STARD10: variants seen among roughly 807,000 people sequenced by gnomAD.
The protein encoded by STARD10 is START domain-containing protein 10.
In STARD10, 24 loss-of-function variants were observed where a neutral mutation model predicts 36.0. The observed-to-expected ratio is 0.67, with a 90% CI of 0.48 to 0.94. STARD10 has a LOEUF of 0.94. Among genes scored for constraint, STARD10 ranks in the 40% least tolerant of loss-of-function variants. The pLI, the probability that STARD10 is intolerant of heterozygous loss-of-function variation, is 0.00. For missense variants in STARD10, 335 were observed against 396.6 expected (o/e 0.84, Z 1.32); for synonymous variants, 156 against 161.9 (o/e 0.96, Z 0.28).
chr11:72,756,768 C>T (rs763453230), intron 5 of STARD10, among the ~76,000 whole-genome samples: 2 of 151,956 alleles, frequency 1.3e-5, no homozygotes, highest in Non-Finnish European at 2.9e-5. Flanking sequence ...TTCCTCTGGC[C>T]GCTGTTATAC....
At chr11:72,788,840 C>T (rs1053727303) in intron 1 of STARD10, among the ~76,000 whole-genome samples, 3 of 152,002 alleles carry the variant, frequency 2.0e-5, no homozygotes, top group African/African-American at 4.8e-5. Context: ...GGATTACAGG[C>T]GTGAGCCCCT....
Position 72,774,087 on chromosome 11 carries a change from C to T in STARD10, c.207+6888G>A, listed in dbSNP as rs545782445. On this transcript the variant is annotated intron_variant, in intron 2 of 6. Coordinates refer to ENST00000334805, the MANE Select transcript of STARD10 (RefSeq NM_006645.3). ...CAGCCACTCTGGCAGGGTCCAAAGACGGCAGGCAGGGGCAGGAGATGGTGG... is the reference window on the plus strand; with the variant it reads ...CAGCCACTCTGGCAGGGTCCAAAGATGGCAGGCAGGGGCAGGAGATGGTGG... 5.9e-5 allele frequency among the ~76,000 whole-genome samples: 9 copies of T among 152,274 alleles called. No individual in the cohort carries two copies. The South Asian group carries it at 8.3e-4, about 14-fold the overall frequency.
At chr11:72,765,309 G>A (rs1195884841) in intron 2 of STARD10, among the ~76,000 whole-genome samples, 9 of 152,142 alleles carry the variant, frequency 5.9e-5, no homozygotes, top group African/African-American at 2.2e-4. Flanking sequence ...GCCAGGGGGA[G>A]CAAGTGACAC....
At chr11:72,759,909 ATTT>A (rs202116654) in intron 2 of STARD10, among the ~76,000 whole-genome samples, 3 of 149,130 alleles carry the variant, frequency 2.0e-5, no homozygotes, top group African/African-American at 7.4e-5. Flanking sequence ...ACATCTTTGG[ATTT>A]TTTTTTTCTT....
intron 2 of STARD10, among the ~76,000 whole-genome samples, chr11:72,775,901 G>A (rs1277542594): frequency 3.3e-5 from 5 of 152,112 alleles, no homozygotes; most frequent in African/African-American, 1.2e-4. Context: ...GGATCCTGGT[G>A]TTCTTTCCCC....
In STARD10 at chr11:72,759,328, G is replaced by A. The variant is rs778067215; in HGVS notation, c.261C>T (p.His87=). The A allele has an allele frequency of 2.8e-5, 45 of 1,614,042 alleles. No homozygotes were observed. Among genetic ancestry groups the A allele is most frequent in the East Asian group, 4.5e-5 (2 of 44,902 alleles). ...VPAETLYDVL[H]DIEYRKKWDS... is the part of the protein sequence containing the mutation. The stretch of plus-strand genomic sequence containing the variant: ...CCCATTTCTTGCGGTACTCAATGTC[G>A]TGTAGGACGTCGTAGAGTGTCTCGG... Residue 87 remains histidine (H), a synonymous_variant, in exon 3 of 7, where the codon CAC becomes CAT. Coordinates refer to ENST00000334805, the MANE Select transcript of STARD10 (RefSeq NM_006645.3).
intron 1 of STARD10, among the ~76,000 whole-genome samples, chr11:72,791,473 G>C (rs1251978157): frequency 6.6e-6 from 1 of 152,072 alleles, no homozygotes; most frequent in African/African-American, 2.4e-5. Flanking sequence ...GGGAGGCCGC[G>C]AATGGATCAC....
chr11:72,759,484 A>G (rs1433615937), intron 2 of STARD10, 103 bp from the exon 3 acceptor site: 7 of 1,387,388 alleles, frequency 5.0e-6, no homozygotes, highest in African/African-American at 1.4e-5. Flanking sequence ...GAAAGAGGAC[A>G]GCAAAGAACA....
chr11:72,769,718 GA>G (rs1858834103), intron 2 of STARD10, among the ~76,000 whole-genome samples: 1 of 152,052 alleles, frequency 6.6e-6, no homozygotes, highest in African/African-American at 2.4e-5. Context: ...TATAAAATAA[GA>G]AAAAAAGTTA....
intron 2 of STARD10, among the ~76,000 whole-genome samples, chr11:72,759,664 C>T (rs1350582893): frequency 6.6e-6 from 1 of 152,134 alleles, no homozygotes; most frequent in Non-Finnish European, 1.5e-5. Context: ...TTCTGGGCTC[C>T]CACACAATGC....
rs1859177590 is a variant in STARD10 at position 72,793,650 on chromosome 11, T to C, written c.-889A>G. 6.6e-6 allele frequency: 1 copy of C among 152,260 alleles called. No homozygotes were observed. The highest frequency in any genetic ancestry group is 6.5e-5 in the Admixed American group (1 of 15,284). The allele number at this position is 152,260 out of a possible 1,614,324, so 9.4% of individuals were successfully genotyped here. On this transcript the variant is annotated 5_prime_UTR_variant, in exon 1 of 7. Transcript: ENST00000334805. ...GACTGGACCGTTAGGTTACTATTTA[T>C]TACGGTTATCTTCGCTCAGGCGCCC...
chr11:72,754,850 C>T lies in STARD10; in HGVS notation c.*47G>A, dbSNP rs1171598452. Reference sequence around the variant, plus strand: ...GAGAAAGTGCAGGAGCGGCCGCCGCCCCAGGGCTCGCCCGGTCCTGTCTCC... The same window carrying T: ...GAGAAAGTGCAGGAGCGGCCGCCGCTCCAGGGCTCGCCCGGTCCTGTCTCC... On this transcript the variant is annotated 3_prime_UTR_variant, in exon 7 of 7. Coordinates refer to ENST00000334805, the MANE Select transcript of STARD10 (RefSeq NM_006645.3). 2 of 1,570,176 alleles carry T rather than the reference C, an allele frequency of 1.3e-6. No homozygotes were observed. The highest frequency in any genetic ancestry group is 1.4e-5 in the African/African-American group (1 of 71,668).
intron 1 of STARD10, chr11:72,782,287 A>G (rs1859014670): frequency 6.6e-6 from 1 of 152,494 alleles, no homozygotes; most frequent in South Asian, 2.1e-4. Flanking sequence ...ACAGCCCCAC[A>G]GCAGCTCAGA....
intron 1 of STARD10, among the ~76,000 whole-genome samples, chr11:72,787,374 G>C (rs1859086561): frequency 6.6e-6 from 1 of 152,194 alleles, no homozygotes; most frequent in South Asian, 2.1e-4. Flanking sequence ...AAGTCTAGCT[G>C]CAATCCCTAC....
rs757016443 is a variant in STARD10, at chr11:72,766,389, CAGGGACACAAAACCTCAAGAT to C, written c.208-7029_208-7009del. Reference sequence around the variant, plus strand: ...TTCCGCCAAGTAGAGTGGTAAGGGACAGGGACACAAAACCTCAAGATAGCACGAGCAGGGCTAGGAGAGGCG... The same window carrying C: ...TTCCGCCAAGTAGAGTGGTAAGGGACAGCACGAGCAGGGCTAGGAGAGGCG... On this transcript the variant is annotated intron_variant, in intron 2 of 6. Coordinates refer to ENST00000334805, the MANE Select transcript of STARD10 (RefSeq NM_006645.3). 2.6e-3 allele frequency among the ~76,000 whole-genome samples: 400 copies of C among 152,258 alleles called. 1 individual carries two copies. The highest frequency in any genetic ancestry group is 5.0e-3 in the Non-Finnish European group (340 of 68,022).
At chr11:72,789,663 C>T (rs972089305) in intron 1 of STARD10, among the ~76,000 whole-genome samples, 1 of 152,160 alleles carries the variant, frequency 6.6e-6, no homozygotes. Context: ...CCCAGGACCG[C>T]GTGAGGACTG....
intron 2 of STARD10, chr11:72,780,455 G>A (rs934278374): frequency 2.7e-5 from 12 of 446,360 alleles, no homozygotes; most frequent in African/African-American, 2.4e-4. Flanking sequence ...AGGAGGCTAA[G>A]GGAGCAGCCA....
At chr11:72,772,838 G>A (rs1179931836) in intron 2 of STARD10, among the ~76,000 whole-genome samples, 8 of 152,062 alleles carry the variant, frequency 5.3e-5, no homozygotes, top group Admixed American at 6.6e-5. Context: ...TTATCCTGCT[G>A]GTCCCCTGAG....
At chr11:72,756,924 T>A (rs2135607520) in intron 5 of STARD10, among the ~76,000 whole-genome samples, 1 of 152,036 alleles carries the variant, frequency 6.6e-6, no homozygotes. Flanking sequence ...GGTGGGTGGA[T>A]CACAAGGTCA....
Sources: gnomAD v4.1 joint callset for allele counts (sites outside exome capture counted in the v4.1 genomes callset) on GRCh38, gnomAD v4.1.1 for gene constraint, MANE v1.5 for transcripts, NCBI Gene and HGNC (gene_info 2026-07-23, HGNC 2026-07-21) for gene names.